ASTN2: variants seen among roughly 807,000 people sequenced by gnomAD.
ASTN2 encodes astrotactin-2.
A neutral mutation model predicts 139.8 loss-of-function variants in ASTN2; 54 were observed. The observed-to-expected ratio is 0.39, with a 90% CI of 0.31 to 0.48. ASTN2 has a LOEUF of 0.48. Among genes scored for constraint, ASTN2 ranks in the 20% least tolerant of loss-of-function variants. ASTN2 has a pLI of 0.95. For synonymous variants in ASTN2, 756 were observed against 719.5 expected, an observed-to-expected ratio of 1.05 and a Z score of -0.81; for missense variants, 1,565 against 1,725.1, an observed-to-expected ratio of 0.91 and a Z score of 1.64.
intron 13 of ASTN2, among the ~76,000 whole-genome samples, chr9:116,735,045 A>G (rs1027546086): frequency 1.3e-5 from 2 of 152,210 alleles, no homozygotes; most frequent in Non-Finnish European, 2.9e-5. Flanking sequence ...GATAGATATT[A>G]TTATCTTTAA....
rs1011509326 is a variant in ASTN2 at position 116,513,815 on chromosome 9, G to A, written c.3356-26315C>T. On this transcript the variant is annotated intron_variant, in intron 19 of 22. Coordinates refer to ENST00000313400, the MANE Select transcript of ASTN2 (RefSeq NM_001365068.1). Reference sequence around the variant, plus strand: ...ATCGGCTACTGAAGCTTGTGCATTCGTCACGTAGTTATCGTGCCATGGTTT... The same window carrying A: ...ATCGGCTACTGAAGCTTGTGCATTCATCACGTAGTTATCGTGCCATGGTTT... Among the ~76,000 whole-genome samples the A allele has an allele frequency of 1.4e-4, 22 of 151,934 alleles. 1 individual carries two copies. The highest frequency in any genetic ancestry group is 2.5e-4 in the Non-Finnish European group (17 of 67,982).
chr9:116,557,272 T>C (rs905770852), intron 19 of ASTN2, among the ~76,000 whole-genome samples: 8 of 138,174 alleles, frequency 5.8e-5, no homozygotes, highest in Non-Finnish European at 6.3e-5. Flanking sequence ...TTCAGTGATA[T>C]AGTGGTTAAA....
rs749091783 is a variant in ASTN2 at position 116,425,670 on chromosome 9, G to C, written c.*181C>G. ...TAGAGAAAAATGAATAATTCCATTG[G>C]TTACAAAGGTCTCTGTCCACTATCC... is the stretch of plus-strand genomic sequence containing the variant. On this transcript the variant is annotated 3_prime_UTR_variant, in exon 23 of 23. Transcript: ENST00000313400. The C allele has an allele frequency of 1.2e-6, 2 of 1,608,984 alleles. No individual in the cohort carries two copies. Among genetic ancestry groups the C allele is most frequent in the East Asian group, 4.5e-5 (2 of 44,686 alleles).
intron 1 of ASTN2, among the ~76,000 whole-genome samples, chr9:117,411,468 AAAG>A (rs1293403671): frequency 3.6e-4 from 54 of 150,564 alleles, no homozygotes; most frequent in Non-Finnish European, 7.5e-4. Flanking sequence ...AAAAAAAAAA[AAAG>A]ACTTGCTTCC....
At chr9:116,674,095 C>T (rs775990019) in intron 16 of ASTN2, among the ~76,000 whole-genome samples, 9 of 152,320 alleles carry the variant, frequency 5.9e-5, no homozygotes, top group East Asian at 1.9e-4. Flanking sequence ...GTAGGACTAA[C>T]ATTAGCCACA....
At chr9:117,369,040 A>G (rs1829923635) in intron 1 of ASTN2, among the ~76,000 whole-genome samples, 2 of 152,202 alleles carry the variant, frequency 1.3e-5, no homozygotes, top group African/African-American at 4.8e-5. Context: ...AACAAACACA[A>G]GATAATACTT....
At chr9:116,512,422 C>T (rs984086042) in intron 19 of ASTN2, among the ~76,000 whole-genome samples, 3 of 152,090 alleles carry the variant, frequency 2.0e-5, no homozygotes, top group African/African-American at 2.4e-5. Flanking sequence ...TTACTTCCAA[C>T]TATGTGGTCA....
At chr9:117,079,210 G>A (rs1457462293) in intron 5 of ASTN2, among the ~76,000 whole-genome samples, 1 of 152,244 alleles carries the variant, frequency 6.6e-6, no homozygotes, top group East Asian at 1.9e-4. Context: ...TAAAAAATTA[G>A]CCACGTGTGG....
rs549450223 is a variant in ASTN2, at chr9:117,403,661, G to A, written c.442+10836C>T. On this transcript the variant is annotated intron_variant, in intron 1 of 22. Coordinates refer to ENST00000313400, the MANE Select transcript of ASTN2 (RefSeq NM_001365068.1). ...TAATGGAAATGTTCCTTCCCTTTTC[G>A]GCTGCTTGCAAAGCCACTCGTGACT... 3.3e-5 allele frequency among the ~76,000 whole-genome samples: 5 copies of A among 151,836 alleles called. No homozygotes were observed. In the East Asian group the frequency reaches 5.8e-4, roughly 18 times the overall value.
chr9:117,271,363 C>T (rs1422475358), intron 2 of ASTN2, among the ~76,000 whole-genome samples: 1 of 152,210 alleles, frequency 6.6e-6, no homozygotes, highest in East Asian at 1.9e-4. Flanking sequence ...CCCTTGGGTG[C>T]TCCCACAACA....
At chr9:117,254,333 TA>T (rs1334688439) in intron 2 of ASTN2, among the ~76,000 whole-genome samples, 3 of 152,218 alleles carry the variant, frequency 2.0e-5, no homozygotes, top group African/African-American at 7.2e-5. Flanking sequence ...TTAATATCCT[TA>T]AGTAGCATTT....
chr9:116,710,733 C>CAAAAAA (rs57745448), intron 16 of ASTN2, among the ~76,000 whole-genome samples: 9 of 72,572 alleles, frequency 1.2e-4, no homozygotes, highest in East Asian at 4.3e-4. Flanking sequence ...AACTCCGTCT[C>CAAAAAA]AAAAAAAAAA....
chr9:117,322,862 TG>T (rs1335093571), intron 1 of ASTN2, among the ~76,000 whole-genome samples: 2 of 152,130 alleles, frequency 1.3e-5, no homozygotes, highest in Non-Finnish European at 2.9e-5. Flanking sequence ...CAGAGGACTA[TG>T]GGCATTTTCA....
chr9:117,272,487 G>T (rs1834090652), intron 2 of ASTN2, among the ~76,000 whole-genome samples: 1 of 152,210 alleles, frequency 6.6e-6, no homozygotes, highest in Non-Finnish European at 1.5e-5. Flanking sequence ...AATTTCTGCA[G>T]CCAGCTTGAA....
Position 117,028,914 on chromosome 9 carries a change from C to T in ASTN2, c.1423+10905G>A, listed in dbSNP as rs533316922. Among the ~76,000 whole-genome samples the T allele has an allele frequency of 8.5e-4, 129 of 152,282 alleles. 1 individual carries two copies. The South Asian group carries it at 0.01, about 12-fold the overall frequency. On this transcript the variant is annotated intron_variant, in intron 6 of 22. Transcript: ENST00000313400. ...CTGGGGCAGGGAAGAATCTTAAGTA[C>T]CACCTTGTTCCCCTCCTACATTTTA... is the stretch of plus-strand genomic sequence containing the variant.
intron 19 of ASTN2, among the ~76,000 whole-genome samples, chr9:116,587,930 C>G (rs1195277951): frequency 6.6e-6 from 1 of 152,152 alleles, no homozygotes; most frequent in Non-Finnish European, 1.5e-5. Flanking sequence ...AGGGATTGTA[C>G]TTCCATGTAG....
intron 19 of ASTN2, among the ~76,000 whole-genome samples, chr9:116,606,488 A>C (rs773423334): frequency 3.9e-5 from 6 of 152,216 alleles, no homozygotes; most frequent in Non-Finnish European, 7.3e-5. Context: ...GTGCACATGC[A>C]CGCATGAGCT....
intron 19 of ASTN2, among the ~76,000 whole-genome samples, chr9:116,530,897 T>C (rs906144797): frequency 6.6e-6 from 1 of 152,194 alleles, no homozygotes; most frequent in African/African-American, 2.4e-5. Flanking sequence ...TTTCTCTTTT[T>C]ATTCCTTGAA....
chr9:116,462,739 C>T (rs1186969008), intron 20 of ASTN2, among the ~76,000 whole-genome samples: 1 of 151,440 alleles, frequency 6.6e-6, no homozygotes, highest in African/African-American at 2.4e-5. Context: ...CCTCAACAGG[C>T]CTTCTTATCC....
Sources: gnomAD v4.1 joint callset for allele counts (sites outside exome capture counted in the v4.1 genomes callset) on GRCh38, gnomAD v4.1.1 for gene constraint, MANE v1.5 for transcripts, NCBI Gene and HGNC (gene_info 2026-07-23, HGNC 2026-07-21) for gene names.